The following CDC25A variants were observed in gnomAD, a reference collection of about 807,000 sequenced individuals.
CDC25A encodes the protein M-phase inducer phosphatase 1.
CDC25A carries 17 observed loss-of-function variants against 64.6 expected under a neutral mutation model. The ratio of observed to expected loss-of-function variants is 0.26; its 90% confidence interval spans 0.18 to 0.39. The LOEUF (loss-of-function observed/expected upper bound fraction) is 0.39. CDC25A is among the 10% of genes least tolerant of loss of function. The pLI, the probability that CDC25A is intolerant of heterozygous loss-of-function variation, is 1.00. For synonymous variants in CDC25A, 229 were observed against 238.6 expected (o/e 0.96, Z 0.37); for missense variants, 473 against 654.8 (o/e 0.72, Z 3.03).
chr3:48,177,136 T>A (rs1328539437), intron 8 of CDC25A, among the ~76,000 whole-genome samples: 1 of 152,086 alleles, frequency 6.6e-6, no homozygotes, highest in African/African-American at 2.4e-5. Context: ...GACTAGATGG[T>A]AAAAGCTAGG....
chr3:48,168,360 C>CCACACCCACACACACA, intron 9 of CDC25A, among the ~76,000 whole-genome samples: 1 of 106,606 alleles, frequency 9.4e-6, no homozygotes, highest in South Asian at 3.6e-4. Context: ...AAGACCCTGT[C>CCACACCCACACACACA]CACACACACA....
chr3:48,181,514 C>A, intron 5 of CDC25A: 2 of 1,181,996 alleles, frequency 1.7e-6, no homozygotes, highest in Non-Finnish European at 2.5e-6. Flanking sequence ...TGCCCTTGGT[C>A]TCGGGGTCGC....
chr3:48,165,735 C>G lies in CDC25A; in HGVS notation c.1093-1G>C. 6.2e-7 allele frequency: 1 copy of G among 1,611,792 alleles called. No homozygotes were observed. Among genetic ancestry groups the G allele is most frequent in the Non-Finnish European group, 8.5e-7 (1 of 1,177,904 alleles). ...ACTTGCCATTCAAAACAGATGCCAT[C>G]TGTTGAGAGAAAATTAGGGAGAATC... is the stretch of plus-strand genomic sequence containing the variant. On this transcript the variant is annotated splice_acceptor_variant, in intron 11 of 14. Transcript: ENST00000302506. LOFTEE classifies it high-confidence loss of function.
intron 5 of CDC25A, among the ~76,000 whole-genome samples, chr3:48,181,338 T>C (rs1160643207): frequency 1.3e-5 from 2 of 151,504 alleles, no homozygotes; most frequent in Non-Finnish European, 2.9e-5. Flanking sequence ...CTTACAAGCA[T>C]AATGTTTTTT....
At chr3:48,164,147 A>C (rs1055703612) in intron 13 of CDC25A, among the ~76,000 whole-genome samples, 160 bp downstream of exon 13, 1 of 152,182 alleles carries the variant, frequency 6.6e-6, no homozygotes, top group African/African-American at 2.4e-5. Flanking sequence ...GAAGAGCCAA[A>C]GTTCACCTCA....
intron 9 of CDC25A, 67 bp downstream of exon 9, chr3:48,174,217 G>C (rs1286489902): frequency 1.1e-5 from 16 of 1,406,200 alleles, no homozygotes; most frequent in Non-Finnish European, 1.4e-5. Flanking sequence ...GAACCACTAA[G>C]TAGAAATTTT....
At chr3:48,177,109 T>C (rs1559961890) in intron 8 of CDC25A, among the ~76,000 whole-genome samples, 1 of 152,162 alleles carries the variant, frequency 6.6e-6, no homozygotes, top group African/African-American at 2.4e-5. Context: ...AGGCTTCAGA[T>C]AGGCTTTTTT....
chr3:48,166,599 G>A (rs1045085866), intron 10 of CDC25A, among the ~76,000 whole-genome samples: 2 of 152,142 alleles, frequency 1.3e-5, no homozygotes, highest in Non-Finnish European at 2.9e-5. Flanking sequence ...CAGGCACTGG[G>A]GATAGGAAAA....
chr3:48,187,729 C>T (rs1301495868), intron 1 of CDC25A, 49 bp downstream of exon 1: 2 of 1,505,716 alleles, frequency 1.3e-6, no homozygotes, highest in African/African-American at 2.9e-5. Context: ...TCTCCGAGGC[C>T]GACACCGAGG....
At chr3:48,184,612 T>C (rs1338134617) in intron 3 of CDC25A, 41 bp downstream of exon 3, 1 of 1,443,880 alleles carries the variant, frequency 6.9e-7, no homozygotes, top group Non-Finnish European at 9.6e-7. Flanking sequence ...TTTAGACACG[T>C]TTTTTCTACA....
chr3:48,188,351 G>A lies in CDC25A; in HGVS notation c.-404C>T. 1 of 166,712 alleles carries A rather than the reference G, an allele frequency of 6.0e-6. No individual in the cohort carries two copies. Among genetic ancestry groups the A allele is most frequent in the Non-Finnish European group, 1.3e-5 (1 of 78,132 alleles). 10.3% of individuals were successfully genotyped at this position (166,712 alleles called of 1,614,324 possible). A position where few individuals can be genotyped will look rare whatever the true frequency, so the allele number is the denominator to read the frequency against. On this transcript the variant is annotated 5_prime_UTR_variant, in exon 1 of 15. Coordinates refer to ENST00000302506, the MANE Select transcript of CDC25A (RefSeq NM_001789.3). ...CCAGCTCCGGGTAGCAGAAAACCAA[G>A]CCGACCTACACCTCTTACCCAGGCT...
intron 8 of CDC25A, among the ~76,000 whole-genome samples, chr3:48,175,922 T>C (rs560522160): frequency 6.6e-6 from 1 of 152,314 alleles, no homozygotes; most frequent in Admixed American, 6.5e-5. Flanking sequence ...ATCCCAGCAC[T>C]TTGGGAGGCA....
intron 13 of CDC25A, among the ~76,000 whole-genome samples, chr3:48,161,965 G>A (rs2031786510): frequency 6.6e-6 from 1 of 152,118 alleles, no homozygotes; most frequent in East Asian, 1.9e-4. Flanking sequence ...GGAGCCTGAG[G>A]CAGGAGAATT....
chr3:48,181,323 C>T (rs572280402), intron 5 of CDC25A, among the ~76,000 whole-genome samples: 5 of 150,380 alleles, frequency 3.3e-5, no homozygotes, highest in African/African-American at 9.7e-5. Flanking sequence ...TCAACGTGGA[C>T]GATTCTTACA....
intron 13 of CDC25A, among the ~76,000 whole-genome samples, chr3:48,160,819 A>G (rs561497545): frequency 1.3e-5 from 2 of 152,256 alleles, no homozygotes; most frequent in East Asian, 3.9e-4. Context: ...GATGGGCAGC[A>G]GCTTCCTCTG....
Position 48,158,832 on chromosome 3 carries a change from GC to G in CDC25A, c.*112del. The G allele has an allele frequency of 1.5e-6, 2 of 1,325,560 alleles. No homozygotes were observed. The highest frequency in any genetic ancestry group is 2.1e-6 in the Non-Finnish European group (2 of 962,356). The allele number at this position is 1,325,560 out of a possible 1,614,324, so 82.1% of individuals were successfully genotyped here. On this transcript the variant is annotated 3_prime_UTR_variant, in exon 15 of 15. Transcript: ENST00000302506. ...TAGGTTTAAGGCATGGAAGTCCCAG[GC>G]CCCCTCTCCAAATGTCACACAGCTG...
intron 9 of CDC25A, among the ~76,000 whole-genome samples, chr3:48,171,884 A>C (rs1575265366): frequency 2.0e-5 from 3 of 152,348 alleles, no homozygotes; most frequent in African/African-American, 7.2e-5. Context: ...GGCCAGGTGC[A>C]CTGGCCTGTG....
chr3:48,181,649 C>T (rs575859668), intron 5 of CDC25A: 15 of 1,195,036 alleles, frequency 1.3e-5, no homozygotes, highest in South Asian at 6.1e-5. Flanking sequence ...GAGTGATGAA[C>T]GGCTAACTAC....
Position 48,187,759 on chromosome 3 carries a change from C to A in CDC25A, c.170+19G>T. 6.5e-7 allele frequency: 1 copy of A among 1,532,578 alleles called. No individual in the cohort carries two copies. The highest frequency in any genetic ancestry group is 1.2e-5 in the South Asian group (1 of 83,294). The allele number at this position is 1,532,578 out of a possible 1,614,324, so 94.9% of individuals were successfully genotyped here. On this transcript the variant is annotated intron_variant, in intron 1 of 14. Coordinates refer to ENST00000302506, the MANE Select transcript of CDC25A (RefSeq NM_001789.3). The stretch of plus-strand genomic sequence containing the variant: ...CCGAGGCCAGGGGCCCGGAGCACCG[C>A]CCGCCGGTCTCTCCTTACCTGCCCA...
Sources: allele counts gnomAD v4.1 joint callset (sites outside exome capture counted in the v4.1 genomes callset), GRCh38; gene constraint gnomAD v4.1.1; transcripts MANE v1.5; gene names NCBI Gene and HGNC (gene_info 2026-07-23, HGNC 2026-07-21).